STXBP5L: variants seen among roughly 807,000 people sequenced by gnomAD.
STXBP5L encodes the protein syntaxin binding protein 5L.
In STXBP5L, 65 loss-of-function variants were observed where a neutral mutation model predicts 144.5. That is an observed-to-expected ratio of 0.45 (90% CI 0.37 to 0.55). STXBP5L has a LOEUF of 0.55. Ranked by LOEUF, STXBP5L falls within the 20% of genes least tolerant of loss-of-function variation. STXBP5L has a pLI of 0.00. For missense variants in STXBP5L, 1,298 were observed against 1,405.5 expected (o/e 0.92, Z 1.22); for synonymous variants, 505 against 469.6 (o/e 1.08, Z -0.97).
chr3:121,364,577 C>T (rs1237282482), intron 20 of STXBP5L, among the ~76,000 whole-genome samples: 1 of 151,604 alleles, frequency 6.6e-6, no homozygotes, highest in Admixed American at 6.6e-5. Flanking sequence ...TCCTCTAATC[C>T]ATGAACATGG....
intron 22 of STXBP5L, among the ~76,000 whole-genome samples, chr3:121,394,455 G>A (rs2046674821): frequency 6.6e-6 from 1 of 151,686 alleles, no homozygotes; most frequent in South Asian, 2.1e-4. Context: ...GCATAGGAGT[G>A]GTGAAAGTAT....
At chr3:121,097,947 C>G (rs746225031) in intron 5 of STXBP5L, among the ~76,000 whole-genome samples, 15 of 152,006 alleles carry the variant, frequency 9.9e-5, no homozygotes, top group Middle Eastern at 3.2e-3. Context: ...GAACGTAAAG[C>G]CAAGCAATAC....
At chr3:121,085,150 C>T (rs1384075077) in intron 5 of STXBP5L, among the ~76,000 whole-genome samples, 2 of 152,164 alleles carry the variant, frequency 1.3e-5, no homozygotes, top group Non-Finnish European at 2.9e-5. Context: ...CAAAAATTTT[C>T]TCCCATTCTG....
intron 11 of STXBP5L, among the ~76,000 whole-genome samples, chr3:121,227,798 TA>T (rs2049168324): frequency 6.6e-6 from 1 of 152,134 alleles, no homozygotes; most frequent in African/African-American, 2.4e-5. Flanking sequence ...TATCTTGGCA[TA>T]TCAGAATTTT....
intron 14 of STXBP5L, among the ~76,000 whole-genome samples, chr3:121,246,913 G>C (rs1439776669): frequency 6.6e-6 from 1 of 152,112 alleles, no homozygotes; most frequent in Non-Finnish European, 1.5e-5. Flanking sequence ...AGATTATTGG[G>C]GATCTACTAG....
chr3:121,335,395 G>C (rs2044470083), intron 20 of STXBP5L, among the ~76,000 whole-genome samples: 1 of 151,938 alleles, frequency 6.6e-6, no homozygotes, highest in Non-Finnish European at 1.5e-5. Context: ...GCAATTTAGA[G>C]ATTCATTACT....
intron 9 of STXBP5L, among the ~76,000 whole-genome samples, chr3:121,191,138 G>T (rs2047660742): frequency 6.6e-6 from 1 of 152,202 alleles, no homozygotes; most frequent in Admixed American, 6.5e-5. Context: ...TAGACAGGGT[G>T]GCGGCCGGGC....
At chr3:121,300,161 CATA>C (rs1043387344) in intron 19 of STXBP5L, among the ~76,000 whole-genome samples, 3 of 151,916 alleles carry the variant, frequency 2.0e-5, no homozygotes, top group African/African-American at 7.3e-5. Flanking sequence ...CTAGAGACAA[CATA>C]ATGACGTCTT....
At chr3:121,264,573 A>G (rs994334935) in intron 18 of STXBP5L, among the ~76,000 whole-genome samples, 16 of 152,262 alleles carry the variant, frequency 1.1e-4, no homozygotes, top group African/African-American at 3.4e-4. Flanking sequence ...ATCAACTAAC[A>G]GGCAAAATAA....
intron 3 of STXBP5L, among the ~76,000 whole-genome samples, chr3:121,004,290 G>A (rs994476186): frequency 4.0e-5 from 6 of 151,126 alleles, no homozygotes; most frequent in African/African-American, 9.7e-5. Context: ...GGATTCCTAG[G>A]TATTTTATTC....
chr3:120,986,382 T>C (rs1473976669), intron 3 of STXBP5L, among the ~76,000 whole-genome samples: 6 of 152,000 alleles, frequency 3.9e-5, no homozygotes, highest in Non-Finnish European at 8.8e-5. Flanking sequence ...TGTATATGTC[T>C]GTTAGATTAG....
chr3:121,343,347 A>C (rs1164238976), intron 20 of STXBP5L, among the ~76,000 whole-genome samples: 4 of 152,076 alleles, frequency 2.6e-5, no homozygotes, highest in African/African-American at 9.7e-5. Flanking sequence ...CTTTACAGGG[A>C]TGCCCTCTCT....
intron 11 of STXBP5L, among the ~76,000 whole-genome samples, chr3:121,225,838 A>G (rs2108297145): frequency 6.6e-6 from 1 of 152,296 alleles, no homozygotes; most frequent in East Asian, 1.9e-4. Flanking sequence ...TGTTTTCAAT[A>G]ATTTGCCCTG....
At chr3:120,968,207 T>TA (rs1321072448) in intron 3 of STXBP5L, among the ~76,000 whole-genome samples, 8 of 152,158 alleles carry the variant, frequency 5.3e-5, no homozygotes, top group Non-Finnish European at 1.2e-4. Context: ...GTGCTGTGGT[T>TA]TTCTACTGTT....
chr3:120,915,015 A>C (rs553779009), intron 2 of STXBP5L, among the ~76,000 whole-genome samples: 1 of 152,230 alleles, frequency 6.6e-6, no homozygotes, highest in East Asian at 1.9e-4. Context: ...GTAAAATTTT[A>C]AAGTTACCTA....
chr3:121,344,989 AT>A (rs2044895435), intron 20 of STXBP5L, among the ~76,000 whole-genome samples: 1 of 150,894 alleles, frequency 6.6e-6, no homozygotes, highest in East Asian at 1.9e-4. Flanking sequence ...TTTTGTATAT[AT>A]AAAAAAAGTA....
intron 14 of STXBP5L, among the ~76,000 whole-genome samples, chr3:121,244,896 T>G (rs1296876536): frequency 6.6e-6 from 1 of 152,084 alleles, no homozygotes; most frequent in East Asian, 1.9e-4. Context: ...ACTGAAGGAA[T>G]TCATCACAAC....
chr3:121,057,560 A>G (rs1184584093), intron 5 of STXBP5L, among the ~76,000 whole-genome samples: 6 of 152,046 alleles, frequency 3.9e-5, no homozygotes, highest in Non-Finnish European at 8.8e-5. Context: ...TGACACATAT[A>G]AAAATGGAAT....
At chr3:121,402,819 A>ATG (rs777645267) in intron 22 of STXBP5L, among the ~76,000 whole-genome samples, 1 of 151,832 alleles carries the variant, frequency 6.6e-6, no homozygotes, top group Non-Finnish European at 1.5e-5. Flanking sequence ...TTGTGTGTGT[A>ATG]TGTGTGTGTG....
Sources: allele counts gnomAD v4.1 joint callset (sites outside exome capture counted in the v4.1 genomes callset), GRCh38; gene constraint gnomAD v4.1.1; transcripts MANE v1.5; gene names NCBI Gene and HGNC (gene_info 2026-07-23, HGNC 2026-07-21).